CLASP1: variants seen among roughly 807,000 people sequenced by gnomAD.
CLASP1 encodes the protein cytoplasmic linker associated protein 1, also known as CLIP-associating protein 1.
A neutral mutation model predicts 192.3 loss-of-function variants in CLASP1; 38 were observed. The observed-to-expected ratio is 0.20, with a 90% CI of 0.15 to 0.26. The LOEUF (loss-of-function observed/expected upper bound fraction) is 0.26, where lower values mean the gene tolerates loss of function less well. Among genes scored for constraint, CLASP1 ranks in the 10% least tolerant of loss-of-function variants. The pLI, the probability that CLASP1 is intolerant of heterozygous loss-of-function variation, is 1.00. For missense variants in CLASP1, 1,433 were observed against 1,932.5 expected (o/e 0.74, Z 4.85); for synonymous variants, 691 against 712.8 (o/e 0.97, Z 0.49).
At chr2:121,350,012 C>T (rs1171186007) in intron 37 of CLASP1, among the ~76,000 whole-genome samples, 1 of 152,180 alleles carries the variant, frequency 6.6e-6, no homozygotes, top group Non-Finnish European at 1.5e-5. Context: ...AGGATGCTTA[C>T]TACTACCAAT....
intron 1 of CLASP1, among the ~76,000 whole-genome samples, chr2:121,628,052 A>G (rs2068715495): frequency 6.6e-6 from 1 of 152,216 alleles, no homozygotes; most frequent in Non-Finnish European, 1.5e-5. Context: ...GTACTTTACT[A>G]AGTTTATACC....
At chr2:121,396,870 C>T (rs1379897227) in intron 30 of CLASP1, among the ~76,000 whole-genome samples, 1 of 152,168 alleles carries the variant, frequency 6.6e-6, no homozygotes, top group African/African-American at 2.4e-5. Flanking sequence ...AAACAAACAT[C>T]TGTGTAAAAG....
At chr2:121,583,109 G>A (rs1465861259) in intron 2 of CLASP1, among the ~76,000 whole-genome samples, 3 of 152,012 alleles carry the variant, frequency 2.0e-5, no homozygotes, top group Non-Finnish European at 2.9e-5. Context: ...TTATTCATCT[G>A]CGAATACCAA....
At chr2:121,465,839 C>G (rs1300034596) in intron 9 of CLASP1, among the ~76,000 whole-genome samples, 3 of 152,154 alleles carry the variant, frequency 2.0e-5, no homozygotes, top group Non-Finnish European at 2.9e-5. Flanking sequence ...ATCAATGAAA[C>G]AGAACAGAGC....
chr2:121,423,617 G>C (rs2149590937), intron 22 of CLASP1, among the ~76,000 whole-genome samples: 1 of 152,228 alleles, frequency 6.6e-6, no homozygotes, highest in South Asian at 2.1e-4. Flanking sequence ...ATAACACCTA[G>C]ATTTAAAATC....
chr2:121,459,100 G>A (rs548874831), intron 12 of CLASP1, 125 bp from the exon 13 acceptor site: 72 of 614,098 alleles, frequency 1.2e-4, no homozygotes, highest in African/African-American at 1.1e-3. Context: ...TGAGATTTCC[G>A]ATGTGCATGT....
intron 7 of CLASP1, among the ~76,000 whole-genome samples, chr2:121,505,940 C>T (rs539272896): frequency 2.6e-5 from 4 of 152,080 alleles, no homozygotes; most frequent in Non-Finnish European, 5.9e-5. Flanking sequence ...TCCATATACT[C>T]AGAGCTTCTA....
rs1348085305 is a variant in CLASP1 at position 121,533,522 on chromosome 2, T to TC, written c.196-3198dup. Among the ~76,000 whole-genome samples the TC allele has an allele frequency of 4.6e-5, 7 of 152,216 alleles. No individual in the cohort carries two copies. In the South Asian group the frequency reaches 1.2e-3, roughly 27 times the overall value. ...GCACGTGGTAAGGGTACTTTTTTTTTCCCCCTATTTCTGCTTTCTTCAGCC... is the reference window on the plus strand; with the variant it reads ...GCACGTGGTAAGGGTACTTTTTTTTTCCCCCCTATTTCTGCTTTCTTCAGCC... On this transcript the variant is annotated intron_variant, in intron 2 of 39. Coordinates refer to ENST00000263710, the Ensembl canonical transcript of CLASP1.
chr2:121,395,257 C>CTGTAT (rs1184833589), intron 30 of CLASP1, among the ~76,000 whole-genome samples: 8 of 152,092 alleles, frequency 5.3e-5, no homozygotes, highest in Non-Finnish European at 8.8e-5. Flanking sequence ...GATAATAAAT[C>CTGTAT]TGTATTGTTT....
At position 121,427,081 on chromosome 2, in the gene CLASP1, G is replaced by A. The variant is rs941423901; in HGVS notation, c.2044+323C>T. Among the ~76,000 whole-genome samples, 36 of 151,648 alleles carry A rather than the reference G, an allele frequency of 2.4e-4. 1 individual carries two copies. Among genetic ancestry groups the A allele is most frequent in the Non-Finnish European group, 8.8e-5 (6 of 67,908 alleles). On this transcript the variant is annotated intron_variant, in intron 21 of 39. Coordinates refer to ENST00000263710, the Ensembl canonical transcript of CLASP1. ...AACCACCATCATTCAAATGAACCAC[G>A]TAGGTGAATACTCACAAAAATTAAT...
chr2:121,606,213 C>G (rs763660784), intron 1 of CLASP1, 33 bp from the exon 2 acceptor site: 11 of 434,194 alleles, frequency 2.5e-5, no homozygotes, highest in African/African-American at 4.0e-5. Flanking sequence ...GACAAATTAG[C>G]ACAGATAACA....
At chr2:121,635,391 T>G (rs2070649488) in intron 1 of CLASP1, among the ~76,000 whole-genome samples, 1 of 152,142 alleles carries the variant, frequency 6.6e-6, no homozygotes, top group African/African-American at 2.4e-5. Context: ...AATAAATGTC[T>G]TCTAAAAAAG....
rs182860425 is a variant in CLASP1 at position 121,515,715 on chromosome 2, T to C, written c.594A>G (p.Val198=). ...TGAGATCTGCCCTCACACGTTCTCC[T>C]ACATGTCTGTAAATTTCCACTAAGC... The change falls in exon 7 of 40, where the codon GTA becomes GTG. Residue 198 remains valine (V), a synonymous_variant. Coordinates refer to ENST00000263710, the Ensembl canonical transcript of CLASP1. The C allele has an allele frequency of 7.7e-5, 125 of 1,614,030 alleles. 2 individuals carry two copies. The East Asian group carries it at 2.5e-3, about 32-fold the overall frequency.
chr2:121,432,664 T>C (rs1268719415), intron 19 of CLASP1, among the ~76,000 whole-genome samples: 3 of 152,192 alleles, frequency 2.0e-5, no homozygotes, highest in Non-Finnish European at 4.4e-5. Flanking sequence ...GTCTGATCAT[T>C]TTTTCAAAGT....
At chr2:121,555,220 G>A (rs759398142) in intron 2 of CLASP1, among the ~76,000 whole-genome samples, 30 of 152,104 alleles carry the variant, frequency 2.0e-4, no homozygotes, top group African/African-American at 4.8e-4. Context: ...GCATGCTCCC[G>A]TCTGCAGCAC....
intron 2 of CLASP1, among the ~76,000 whole-genome samples, chr2:121,581,713 C>T (rs1414193560): frequency 2.0e-5 from 3 of 152,070 alleles, no homozygotes; most frequent in African/African-American, 4.8e-5. Context: ...GGTGAGACCC[C>T]ATCTCTAAAA....
At chr2:121,337,841 A>G (rs2062461260) in exon 40 of CLASP1, 1 of 151,870 alleles carries the variant, frequency 6.6e-6, no homozygotes, top group South Asian at 2.1e-4. Context: ...TTTTTAGCAA[A>G]TCCTAGCACA....
intron 34 of CLASP1, among the ~76,000 whole-genome samples, chr2:121,370,001 ATGT>A (rs928041210): frequency 5.9e-5 from 9 of 152,192 alleles, no homozygotes; most frequent in African/African-American, 2.2e-4. Flanking sequence ...CTAGTATTAA[ATGT>A]TGTAATTTCT....
rs1188771822 is a variant in CLASP1, at chr2:121,614,148, T to C, written c.-285-7968A>G. ...AGACCTGGGATCCACAGTTTGCATGTTACTTCTGCCACAATCTATTGGTAA... is the reference window on the plus strand; with the variant it reads ...AGACCTGGGATCCACAGTTTGCATGCTACTTCTGCCACAATCTATTGGTAA... On this transcript the variant is annotated intron_variant, in intron 1 of 39. Coordinates refer to ENST00000263710, the Ensembl canonical transcript of CLASP1. Among the ~76,000 whole-genome samples the C allele has an allele frequency of 2.0e-5, 3 of 152,200 alleles. 1 individual carries two copies. The East Asian group carries it at 5.8e-4, about 29-fold the overall frequency.
Sources: allele counts gnomAD v4.1 joint callset (sites outside exome capture counted in the v4.1 genomes callset), GRCh38; gene constraint gnomAD v4.1.1; transcripts MANE v1.5; gene names NCBI Gene and HGNC (gene_info 2026-07-23, HGNC 2026-07-21).